The following YAP1 variants were observed in gnomAD, a reference collection of about 807,000 sequenced individuals.
The protein encoded by YAP1 is Yes1 associated transcriptional regulator, also known as transcriptional coactivator YAP1.
A neutral mutation model predicts 56.9 loss-of-function variants in YAP1; 5 were observed. The observed-to-expected ratio is 0.09, with a 90% confidence interval of 0.05 to 0.18. The LOEUF is 0.18. Ranked by LOEUF, YAP1 falls within the 10% of genes least tolerant of loss-of-function variation. YAP1 has a pLI of 1.00. For missense variants in YAP1, 539 were observed against 651.8 expected (o/e 0.83, Z 1.88); for synonymous variants, 265 against 248.1 (o/e 1.07, Z -0.64).
chr11:102,224,647 T>C (rs184089432), intron 7 of YAP1, among the ~76,000 whole-genome samples: 34 of 150,664 alleles, frequency 2.3e-4, no homozygotes, highest in African/African-American at 7.8e-4. Context: ...TAAAAGTATT[T>C]AGTGCAATAG....
chr11:102,225,485 C>CA (rs1591474799), intron 7 of YAP1, among the ~76,000 whole-genome samples: 2 of 152,040 alleles, frequency 1.3e-5, no homozygotes, highest in East Asian at 1.9e-4. Context: ...AACTTGGTCT[C>CA]AAAAAACAAA....
intron 2 of YAP1, among the ~76,000 whole-genome samples, chr11:102,147,007 T>C (rs1341748624): frequency 6.6e-6 from 1 of 152,226 alleles, no homozygotes; most frequent in Non-Finnish European, 1.5e-5. Context: ...TGCTAGGCAC[T>C]GCTTTAATTC....
intron 2 of YAP1, among the ~76,000 whole-genome samples, chr11:102,155,754 ATGT>A (rs1226345681): frequency 6.6e-6 from 1 of 152,150 alleles, no homozygotes; most frequent in South Asian, 2.1e-4. Context: ...AAGCCCTGTT[ATGT>A]TGTTAACAGT....
chr11:102,205,518 A>G (rs1949073792), intron 4 of YAP1, among the ~76,000 whole-genome samples: 1 of 152,266 alleles, frequency 6.6e-6, no homozygotes, highest in African/African-American at 2.4e-5. Context: ...GTTGCTTCTT[A>G]GCTATTCATC....
At chr11:102,143,065 T>A (rs369694486) in intron 2 of YAP1, among the ~76,000 whole-genome samples, 16 of 152,316 alleles carry the variant, frequency 1.1e-4, no homozygotes, top group African/African-American at 3.8e-4. Flanking sequence ...CCCGTCCAGG[T>A]ATGTGTCACT....
chr11:102,166,531 G>A (rs1046125576), intron 3 of YAP1, among the ~76,000 whole-genome samples: 6 of 152,198 alleles, frequency 3.9e-5, no homozygotes, highest in African/African-American at 1.4e-4. Context: ...AAGGACAACT[G>A]TGAGAGCATG....
At position 102,228,634 on chromosome 11, in the gene YAP1, C is replaced by CAA. The variant is rs71059544; in HGVS notation, c.1277-1042_1277-1041dup. Reference sequence around the variant, plus strand: ...TGGGTGACAGAGCAAGACTCCGTCTCAAAAAAAAAAAAAAAAAAAAAAAAA... The same window carrying CAA: ...TGGGTGACAGAGCAAGACTCCGTCTCAAAAAAAAAAAAAAAAAAAAAAAAAAA... On this transcript the variant is annotated intron_variant, in intron 8 of 8. Coordinates refer to ENST00000282441, the MANE Select transcript of YAP1 (RefSeq NM_001130145.3). Among the ~76,000 whole-genome samples the CAA allele has an allele frequency of 4.2e-3, 134 of 31,612 alleles. 14 individuals are homozygous for CAA. The highest frequency in any genetic ancestry group is 0.018 in the Middle Eastern group (1 of 56). 20.7% of individuals were successfully genotyped at this position (31,612 alleles called of 152,430 possible).
At chr11:102,159,065 A>T (rs1349986743) in intron 2 of YAP1, among the ~76,000 whole-genome samples, 1 of 152,212 alleles carries the variant, frequency 6.6e-6, no homozygotes, top group Non-Finnish European at 1.5e-5. Context: ...GCATTTGGTT[A>T]TAGGGATGAG....
intron 5 of YAP1, 118 bp from the exon 6 acceptor site, chr11:102,209,399 G>A: frequency 1.1e-6 from 1 of 896,830 alleles, no homozygotes; most frequent in African/African-American, 1.7e-5. Flanking sequence ...GCTTCTTCTT[G>A]GGTAGCTTGG....
intron 6 of YAP1, among the ~76,000 whole-genome samples, 184 bp downstream of exon 6, chr11:102,209,748 G>T (rs1355366626): frequency 6.6e-6 from 1 of 152,044 alleles, no homozygotes. Flanking sequence ...TACACAGTCT[G>T]CTCCCTCCCT....
At chr11:102,154,934 T>C (rs1945855836) in intron 2 of YAP1, among the ~76,000 whole-genome samples, 1 of 152,184 alleles carries the variant, frequency 6.6e-6, no homozygotes, top group Non-Finnish European at 1.5e-5. Flanking sequence ...TCAGATATTA[T>C]TTTATTTACT....
At chr11:102,158,684 GTTAT>G (rs1946097769) in intron 2 of YAP1, among the ~76,000 whole-genome samples, 1 of 152,140 alleles carries the variant, frequency 6.6e-6, no homozygotes, top group Non-Finnish European at 1.5e-5. Flanking sequence ...ATTATTTTTA[GTTAT>G]TTATTTTACT....
At chr11:102,226,520 A>ATT (rs1282139061) in intron 7 of YAP1, among the ~76,000 whole-genome samples, 1 of 152,260 alleles carries the variant, frequency 6.6e-6, no homozygotes, top group Non-Finnish European at 1.5e-5. Context: ...CCATTGAAGA[A>ATT]TAACAGCTGC....
chr11:102,120,028 CT>C (rs1351604859), intron 2 of YAP1, among the ~76,000 whole-genome samples: 5 of 152,196 alleles, frequency 3.3e-5, no homozygotes, highest in Non-Finnish European at 7.4e-5. Flanking sequence ...CTGTGTCGTT[CT>C]ATAACTGTGG....
At chr11:102,119,871 G>A (rs1176831567) in intron 2 of YAP1, among the ~76,000 whole-genome samples, 1 of 152,144 alleles carries the variant, frequency 6.6e-6, no homozygotes, top group Non-Finnish European at 1.5e-5. Flanking sequence ...CAATCAAAGT[G>A]AAGTCATTTT....
At chr11:102,131,364 G>T (rs1336262017) in intron 2 of YAP1, among the ~76,000 whole-genome samples, 2 of 152,166 alleles carry the variant, frequency 1.3e-5, no homozygotes, top group Non-Finnish European at 2.9e-5. Flanking sequence ...CCCACTCTGT[G>T]TAATAGGGAC....
chr11:102,140,294 T>G (rs1390887782), intron 2 of YAP1, among the ~76,000 whole-genome samples: 1 of 152,198 alleles, frequency 6.6e-6, no homozygotes, highest in African/African-American at 2.4e-5. Context: ...TATCTATGAT[T>G]TTCATTTCAA....
intron 4 of YAP1, among the ~76,000 whole-genome samples, chr11:102,200,683 G>T (rs181429919): frequency 4.6e-5 from 7 of 152,228 alleles, no homozygotes; most frequent in African/African-American, 1.7e-4. Flanking sequence ...GACCTCTAGT[G>T]ATCCGTCTGC....
intron 2 of YAP1, among the ~76,000 whole-genome samples, chr11:102,128,865 A>C (rs1044656863): frequency 6.6e-6 from 1 of 152,194 alleles, no homozygotes; most frequent in African/African-American, 2.4e-5. Context: ...AGCTTTAAAA[A>C]TTAGGGCTTT....
Sources: gnomAD v4.1 joint callset for allele counts (sites outside exome capture counted in the v4.1 genomes callset) on GRCh38, gnomAD v4.1.1 for gene constraint, MANE v1.5 for transcripts, NCBI Gene and HGNC (gene_info 2026-07-23, HGNC 2026-07-21) for gene names.